Variants in FOXP1 observed in about 807,000 individuals in gnomAD.
FOXP1 encodes the protein forkhead box protein P1.
FOXP1 carries 15 observed loss-of-function variants against 98.2 expected under a neutral mutation model. That is an observed-to-expected ratio of 0.15 (90% CI 0.10 to 0.24). FOXP1 has a LOEUF of 0.24. Among genes scored for constraint, FOXP1 ranks in the 10% least tolerant of loss-of-function variants. The pLI is 1.00. For missense variants in FOXP1, 633 were observed against 848.5 expected (o/e 0.75, Z 3.15); for synonymous variants, 371 against 314.5 (o/e 1.18, Z -1.90).
chr3:71,058,922 A>C lies in FOXP1; in HGVS notation c.283-5149T>G, dbSNP rs184686972. On this transcript the variant is annotated intron_variant, in intron 7 of 20. Transcript: ENST00000649528. ...AAAAAAAAGCATGCTATTTATGTGGAAAGTAAAATTCTGTTTCATTATGGA... is the reference window on the plus strand; with the variant it reads ...AAAAAAAAGCATGCTATTTATGTGGCAAGTAAAATTCTGTTTCATTATGGA... Among the ~76,000 whole-genome samples the C allele has an allele frequency of 4.0e-5, 6 of 151,420 alleles. No homozygotes were observed. The East Asian group carries it at 1.2e-3, about 29-fold the overall frequency.
intron 3 of FOXP1, among the ~76,000 whole-genome samples, chr3:71,451,928 G>T (rs1437001236): frequency 6.6e-6 from 1 of 152,162 alleles, no homozygotes; most frequent in Non-Finnish European, 1.5e-5. Context: ...GGCTACCTCT[G>T]GGCTAGTAAT....
intron 3 of FOXP1, among the ~76,000 whole-genome samples, chr3:71,455,057 C>T (rs1284370596): frequency 6.6e-6 from 1 of 151,988 alleles, no homozygotes; most frequent in Non-Finnish European, 1.5e-5. Context: ...GTGAATGAGG[C>T]GGGGGCAGTG....
intron 6 of FOXP1, among the ~76,000 whole-genome samples, chr3:71,156,530 G>A (rs370653847): frequency 6.6e-6 from 1 of 152,298 alleles, no homozygotes. Flanking sequence ...AGTGAGCAAA[G>A]AGAAAGGTAT....
At chr3:71,467,404 G>A (rs887568303) in intron 3 of FOXP1, among the ~76,000 whole-genome samples, 1 of 152,160 alleles carries the variant, frequency 6.6e-6, no homozygotes, top group African/African-American at 2.4e-5. Flanking sequence ...GGATACATGG[G>A]TAGGTGGGTG....
At chr3:71,240,667 G>A (rs970441286) in intron 5 of FOXP1, among the ~76,000 whole-genome samples, 9 of 151,796 alleles carry the variant, frequency 5.9e-5, no homozygotes, top group African/African-American at 1.9e-4. Flanking sequence ...CTCAGGTCCC[G>A]AGTAGCTGGG....
intron 5 of FOXP1, among the ~76,000 whole-genome samples, chr3:71,206,958 C>T (rs533565101): frequency 6.6e-5 from 10 of 152,272 alleles, no homozygotes; most frequent in African/African-American, 1.9e-4. Flanking sequence ...CCCACTCCCT[C>T]GCATATTAAT....
chr3:71,144,226 T>G (rs1441060185), intron 6 of FOXP1, among the ~76,000 whole-genome samples: 1 of 152,190 alleles, frequency 6.6e-6, no homozygotes, highest in East Asian at 1.9e-4. Context: ...AGACAAAGGC[T>G]GAGTCCACCT....
chr3:71,462,259 C>G (rs2088211341), intron 3 of FOXP1, among the ~76,000 whole-genome samples: 1 of 152,126 alleles, frequency 6.6e-6, no homozygotes, highest in African/African-American at 2.4e-5. Flanking sequence ...AAGTTATTTA[C>G]CATTTTGTTT....
intron 18 of FOXP1, chr3:70,972,240 G>A (rs1312370618): frequency 2.2e-6 from 3 of 1,387,866 alleles, no homozygotes; most frequent in African/African-American, 2.9e-5. Flanking sequence ...GGGGTTGGGG[G>A]CAGAACAGAC....
At chr3:71,502,002 G>A (rs2041412910) in intron 2 of FOXP1, among the ~76,000 whole-genome samples, 3 of 152,354 alleles carry the variant, frequency 2.0e-5, no homozygotes, top group Middle Eastern at 3.4e-3. Flanking sequence ...GAACACAGAA[G>A]GTTGGGAGGC....
At chr3:71,498,413 C>A (rs2091561885) in intron 2 of FOXP1, among the ~76,000 whole-genome samples, 1 of 152,166 alleles carries the variant, frequency 6.6e-6, no homozygotes, top group Non-Finnish European at 1.5e-5. Context: ...AGGAAAACAA[C>A]AACAGCACAG....
intron 2 of FOXP1, among the ~76,000 whole-genome samples, chr3:71,506,901 G>A (rs149178628): frequency 6.6e-6 from 1 of 152,278 alleles, no homozygotes; most frequent in Non-Finnish European, 1.5e-5. Context: ...ATAAAATGGG[G>A]CTAATGAAAG....
chr3:71,017,786 T>C (rs2044729121), intron 11 of FOXP1, among the ~76,000 whole-genome samples: 1 of 152,148 alleles, frequency 6.6e-6, no homozygotes, highest in Non-Finnish European at 1.5e-5. Context: ...AGCTTAAACA[T>C]GCCAATATTA....
intron 5 of FOXP1, among the ~76,000 whole-genome samples, chr3:71,238,987 T>G (rs1339322787): frequency 6.6e-6 from 1 of 152,238 alleles, no homozygotes; most frequent in African/African-American, 2.4e-5. Context: ...TCAGGAAATA[T>G]TTCTTCAATA....
chr3:71,213,827 A>T (rs1177000949), intron 5 of FOXP1, among the ~76,000 whole-genome samples: 1 of 152,194 alleles, frequency 6.6e-6, no homozygotes, highest in Non-Finnish European at 1.5e-5. Flanking sequence ...AAAAAAATAA[A>T]ATAAAAATAA....
intron 13 of FOXP1, among the ~76,000 whole-genome samples, chr3:70,988,496 C>T (rs1489552864): frequency 6.6e-6 from 1 of 152,232 alleles, no homozygotes; most frequent in Non-Finnish European, 1.5e-5. Flanking sequence ...GCAAAATTAG[C>T]TTCATCTTTC....
chr3:71,009,111 C>T (rs2043178035), intron 12 of FOXP1, among the ~76,000 whole-genome samples: 1 of 125,488 alleles, frequency 8.0e-6, no homozygotes, highest in East Asian at 2.3e-4. Flanking sequence ...AACCCAAGAT[C>T]AAGGAAGTAC....
intron 2 of FOXP1, among the ~76,000 whole-genome samples, chr3:71,498,046 G>T (rs953301956): frequency 6.6e-6 from 1 of 152,222 alleles, no homozygotes; most frequent in South Asian, 2.1e-4. Flanking sequence ...AAATGCATGC[G>T]TTCTGGCAGT....
At chr3:71,342,721 T>C (rs1161405752) in intron 4 of FOXP1, among the ~76,000 whole-genome samples, 1 of 149,768 alleles carries the variant, frequency 6.7e-6, no homozygotes, top group Middle Eastern at 3.2e-3. Flanking sequence ...TTGATCCAAG[T>C]CTAAAATCTA....
Sources: allele counts gnomAD v4.1 joint callset (sites outside exome capture counted in the v4.1 genomes callset), GRCh38; gene constraint gnomAD v4.1.1; transcripts MANE v1.5; gene names NCBI Gene and HGNC (gene_info 2026-07-23, HGNC 2026-07-21).